Variants in CDH20 observed in about 807,000 individuals in gnomAD.
CDH20 encodes cadherin-20.
A neutral mutation model predicts 74.2 loss-of-function variants in CDH20; 29 were observed. That is an observed-to-expected ratio of 0.39 (90% CI 0.29 to 0.53). CDH20 has a LOEUF of 0.53. Ranked by LOEUF, CDH20 falls within the 20% of genes least tolerant of loss-of-function variation. CDH20 has a pLI of 0.69. For synonymous variants in CDH20, 469 were observed against 405.4 expected (o/e 1.16, Z -1.88); for missense variants, 988 against 1,048.3 (o/e 0.94, Z 0.79).
intron 1 of CDH20, among the ~76,000 whole-genome samples, chr18:61,372,126 A>G (rs531117684): frequency 6.6e-6 from 1 of 151,628 alleles, no homozygotes; most frequent in Non-Finnish European, 1.5e-5. Flanking sequence ...CACACTAAAT[A>G]AAAGTTATTT....
At position 61,502,934 on chromosome 18, in the gene CDH20, AG is replaced by A; in HGVS notation, c.662-18del. 6.3e-7 allele frequency: 1 copy of A among 1,575,076 alleles called. No homozygotes were observed. The highest frequency in any genetic ancestry group is 1.2e-5 in the South Asian group (1 of 84,788). The stretch of plus-strand genomic sequence containing the variant: ...CCTGTGGTTTTATTTTTATAAACAA[AG>A]TCATTTCTATCCTCCAGGTGTAATT... On this transcript the variant is annotated intron_variant, in intron 4 of 11. Coordinates refer to ENST00000262717, the MANE Select transcript of CDH20 (RefSeq NM_031891.4).
intron 11 of CDH20, among the ~76,000 whole-genome samples, chr18:61,553,380 G>A (rs1178701096): frequency 6.6e-6 from 1 of 152,106 alleles, no homozygotes; most frequent in African/African-American, 2.4e-5. Context: ...TTAAACCCCA[G>A]CGAACACATT....
At chr18:61,507,335 G>A (rs375244229) in intron 5 of CDH20, 38 bp from the exon 6 acceptor site, 214 of 1,581,724 alleles carry the variant, frequency 1.4e-4, no homozygotes, top group African/African-American at 1.1e-3. Context: ...TTATAGTGAC[G>A]GATTATCAAG....
intron 1 of CDH20, chr18:61,391,477 T>C (rs1911777914): frequency 6.6e-6 from 1 of 152,048 alleles, no homozygotes; most frequent in Admixed American, 6.6e-5. Flanking sequence ...CATTTGTAAT[T>C]GAAAAAAAGT....
intron 2 of CDH20, among the ~76,000 whole-genome samples, chr18:61,491,896 C>T (rs1339122834): frequency 3.9e-5 from 6 of 151,926 alleles, no homozygotes; most frequent in Non-Finnish European, 5.9e-5. Context: ...TTCTCAGCCG[C>T]GTTTGTGGGT....
intron 6 of CDH20, among the ~76,000 whole-genome samples, chr18:61,522,152 T>C (rs748436123): frequency 3.9e-5 from 6 of 152,194 alleles, no homozygotes; most frequent in Non-Finnish European, 7.4e-5. Context: ...GATGACATGA[T>C]TGTATATTTA....
At chr18:61,405,640 G>T (rs1912306547) in intron 1 of CDH20, among the ~76,000 whole-genome samples, 1 of 152,028 alleles carries the variant, frequency 6.6e-6, no homozygotes, top group Admixed American at 6.6e-5. Flanking sequence ...AATTCCATCA[G>T]GTTCTTCTAG....
chr18:61,420,191 G>A (rs1912826624), intron 1 of CDH20, among the ~76,000 whole-genome samples: 1 of 152,076 alleles, frequency 6.6e-6, no homozygotes, highest in African/African-American at 2.4e-5. Context: ...GCTGGCTACT[G>A]AGCGTTTGCA....
At chr18:61,477,375 A>G (rs746371585) in intron 1 of CDH20, among the ~76,000 whole-genome samples, 5 of 152,218 alleles carry the variant, frequency 3.3e-5, no homozygotes, top group Non-Finnish European at 5.9e-5. Context: ...TAATTCCAAC[A>G]TAACTTGACT....
At chr18:61,443,497 A>C (rs1383057188) in intron 1 of CDH20, among the ~76,000 whole-genome samples, 2 of 152,172 alleles carry the variant, frequency 1.3e-5, no homozygotes, top group Non-Finnish European at 2.9e-5. Flanking sequence ...GGCTGGATGC[A>C]GCCACATGGA....
At chr18:61,491,136 A>C (rs1024365442) in intron 2 of CDH20, among the ~76,000 whole-genome samples, 1 of 152,236 alleles carries the variant, frequency 6.6e-6, no homozygotes, top group Non-Finnish European at 1.5e-5. Context: ...AAACTTGGAA[A>C]TACAAGAAGA....
chr18:61,350,984 G>C (rs989842721), intron 1 of CDH20, among the ~76,000 whole-genome samples: 1 of 152,150 alleles, frequency 6.6e-6, no homozygotes, highest in Non-Finnish European at 1.5e-5. Flanking sequence ...ACACATTAGC[G>C]TCTTCCAGTC....
At chr18:61,389,653 C>T (rs1016480258) in intron 1 of CDH20, among the ~76,000 whole-genome samples, 3 of 152,236 alleles carry the variant, frequency 2.0e-5, no homozygotes, top group Non-Finnish European at 2.9e-5. Flanking sequence ...CATCCCCATT[C>T]TTGCTGAAAT....
intron 11 of CDH20, 151 bp downstream of exon 11, chr18:61,550,380 A>G (rs952108176): frequency 5.4e-6 from 5 of 931,614 alleles, no homozygotes; most frequent in African/African-American, 3.3e-5. Flanking sequence ...AAAAAACAGT[A>G]AAGAAATTGA....
At chr18:61,373,545 G>A (rs1911112918) in intron 1 of CDH20, among the ~76,000 whole-genome samples, 1 of 152,054 alleles carries the variant, frequency 6.6e-6, no homozygotes, top group Non-Finnish European at 1.5e-5. Flanking sequence ...ATCTTCTCCA[G>A]CGCTCCTTCC....
intron 1 of CDH20, among the ~76,000 whole-genome samples, chr18:61,450,393 A>T (rs1332475417): frequency 6.6e-6 from 1 of 151,812 alleles, no homozygotes; most frequent in Non-Finnish European, 1.5e-5. Flanking sequence ...CCTTTAAAAA[A>T]AAAAAAAAAA....
chr18:61,484,438 G>T (rs1349832637), intron 1 of CDH20, among the ~76,000 whole-genome samples: 4 of 152,178 alleles, frequency 2.6e-5, no homozygotes, highest in Non-Finnish European at 5.9e-5. Context: ...GAAAGGATCA[G>T]TAACAATCTA....
chr18:61,452,358 C>CAA (rs1318285146), intron 1 of CDH20, among the ~76,000 whole-genome samples: 1 of 152,254 alleles, frequency 6.6e-6, no homozygotes, highest in Admixed American at 6.5e-5. Context: ...TTAAAAAGAG[C>CAA]GGTTACAAAC....
At chr18:61,500,102 T>TAAAAAAAAAAAAAA (rs534695760) in intron 3 of CDH20, among the ~76,000 whole-genome samples, 6 of 56,528 alleles carry the variant, frequency 1.1e-4, no homozygotes, top group Non-Finnish European at 2.2e-4. Flanking sequence ...GACTCCATCT[T>TAAAAAAAAAAAAAA]AAAAAAAAAA....
Sources: gnomAD v4.1 joint callset for allele counts (sites outside exome capture counted in the v4.1 genomes callset) on GRCh38, gnomAD v4.1.1 for gene constraint, MANE v1.5 for transcripts, NCBI Gene and HGNC (gene_info 2026-07-23, HGNC 2026-07-21) for gene names.